GALNT13: variants seen among roughly 807,000 people sequenced by gnomAD.
GALNT13 encodes the protein polypeptide N-acetylgalactosaminyltransferase 13, also known as UDP-GalNAc:polypeptide N-acetylgalactosaminyltransferase 13.
GALNT13 carries 28 observed loss-of-function variants against 64.2 expected under a neutral mutation model. That is an observed-to-expected ratio of 0.44 (90% CI 0.32 to 0.60). GALNT13 has a LOEUF of 0.60. GALNT13 is among the 20% of genes least tolerant of loss of function. GALNT13 has a pLI of 0.05. For missense variants in GALNT13, 577 were observed against 669.8 expected (o/e 0.86, Z 1.53); for synonymous variants, 214 against 224.6 (o/e 0.95, Z 0.42).
At chr2:153,190,170 A>T in the GALNT13 span, among the ~76,000 whole-genome samples, 4,041 of 152,184 alleles carry the variant, frequency 0.027, 185 homozygotes, top group African/African-American at 0.092. Flanking sequence ...ATGTTTGTCT[A>T]GACCAATGTC....
the GALNT13 span, among the ~76,000 whole-genome samples, chr2:153,486,713 G>A: frequency 3.9e-5 from 6 of 151,994 alleles, no homozygotes; most frequent in South Asian, 2.1e-4. Flanking sequence ...GCAGTTTTCC[G>A]AATGATACAT....
At chr2:154,024,962 A>G (rs1335734621) in intron 3 of GALNT13, among the ~76,000 whole-genome samples, 1 of 152,214 alleles carries the variant, frequency 6.6e-6, no homozygotes. Flanking sequence ...GGTCCACTCC[A>G]GACCCTGATT....
intron 9 of GALNT13, among the ~76,000 whole-genome samples, chr2:154,385,261 G>A (rs1698454894): frequency 6.6e-6 from 1 of 151,878 alleles, no homozygotes; most frequent in African/African-American, 2.4e-5. Flanking sequence ...GTATTTAATT[G>A]TCAGATCAAT....
At chr2:153,498,009 T>C in the GALNT13 span, among the ~76,000 whole-genome samples, 6 of 152,326 alleles carry the variant, frequency 3.9e-5, no homozygotes, top group Admixed American at 1.3e-4. Flanking sequence ...ATTAGTACAA[T>C]GGCCAGATAC....
intron 3 of GALNT13, among the ~76,000 whole-genome samples, chr2:153,983,402 A>G (rs568182448): frequency 1.3e-5 from 2 of 151,994 alleles, no homozygotes; most frequent in South Asian, 4.1e-4. Context: ...TAATATTGAT[A>G]TTTATTTATA....
intron 8 of GALNT13, among the ~76,000 whole-genome samples, chr2:154,277,738 G>C (rs1691728384): frequency 6.6e-6 from 1 of 152,080 alleles, no homozygotes; most frequent in Non-Finnish European, 1.5e-5. Context: ...TTGATTTTCA[G>C]TACTACCCTT....
At chr2:153,374,282 A>G in the GALNT13 span, among the ~76,000 whole-genome samples, 3 of 152,198 alleles carry the variant, frequency 2.0e-5, no homozygotes, top group Non-Finnish European at 4.4e-5. Flanking sequence ...CCAAACAAGT[A>G]TGAAGTTATA....
At chr2:154,079,542 G>A (rs1310259715) in intron 3 of GALNT13, among the ~76,000 whole-genome samples, 1 of 151,554 alleles carries the variant, frequency 6.6e-6, no homozygotes, top group Non-Finnish European at 1.5e-5. Context: ...CACCTTGGAG[G>A]TCAAGTGACC....
At chr2:154,152,117 G>A (rs924371368) in intron 4 of GALNT13, among the ~76,000 whole-genome samples, 1 of 152,106 alleles carries the variant, frequency 6.6e-6, no homozygotes, top group Non-Finnish European at 1.5e-5. Context: ...CTCTTTTAGG[G>A]CAGGCCTGGT....
chr2:154,025,100 C>T (rs1349847196), intron 3 of GALNT13, among the ~76,000 whole-genome samples: 1 of 152,168 alleles, frequency 6.6e-6, no homozygotes, highest in South Asian at 2.1e-4. Flanking sequence ...TCAGTCCGCC[C>T]CTACTGGGGG....
At chr2:154,203,312 TAAC>T (rs1687271593) in intron 4 of GALNT13, among the ~76,000 whole-genome samples, 1 of 152,186 alleles carries the variant, frequency 6.6e-6, no homozygotes, top group Non-Finnish European at 1.5e-5. Context: ...GGATGATTAA[TAAC>T]TTATTAATAT....
intron 1 of GALNT13, among the ~76,000 whole-genome samples, chr2:153,877,136 G>A (rs1686436829): frequency 6.6e-6 from 1 of 152,042 alleles, no homozygotes; most frequent in African/African-American, 2.4e-5. Flanking sequence ...TTATCATCTT[G>A]TAGACTATGT....
chr2:153,205,948 T>C, the GALNT13 span, among the ~76,000 whole-genome samples: 1 of 152,022 alleles, frequency 6.6e-6, no homozygotes, highest in South Asian at 2.1e-4. Context: ...TAATCAAACT[T>C]AGTGTAATGA....
chr2:153,774,815 C>T, the GALNT13 span, among the ~76,000 whole-genome samples: 3 of 152,154 alleles, frequency 2.0e-5, no homozygotes, highest in Non-Finnish European at 2.9e-5. Context: ...GTGGTTGAGG[C>T]AGGAGGATTG....
At chr2:153,089,417 G>T in the GALNT13 span, among the ~76,000 whole-genome samples, 6 of 151,988 alleles carry the variant, frequency 3.9e-5, no homozygotes, top group Non-Finnish European at 8.8e-5. Flanking sequence ...TCTTTCCTTT[G>T]TCTTGACTTT....
the GALNT13 span, among the ~76,000 whole-genome samples, chr2:153,672,271 A>C: frequency 6.6e-6 from 1 of 152,318 alleles, no homozygotes; most frequent in African/African-American, 2.4e-5. Flanking sequence ...ACCACATTGC[A>C]CTTATTCTAA....
At chr2:153,625,890 A>T in the GALNT13 span, among the ~76,000 whole-genome samples, 1 of 152,038 alleles carries the variant, frequency 6.6e-6, no homozygotes, top group African/African-American at 2.4e-5. Context: ...TACAAGTGAG[A>T]AATGTTATTG....
chr2:153,404,847 A>G, the GALNT13 span, among the ~76,000 whole-genome samples: 1 of 152,226 alleles, frequency 6.6e-6, no homozygotes, highest in African/African-American at 2.4e-5. Flanking sequence ...TAAAGTTGAG[A>G]ATTAATTTTC....
In GALNT13 at chr2:153,966,614, C is replaced by T. The variant is rs543706007; in HGVS notation, c.142+21975C>T. On this transcript the variant is annotated intron_variant, in intron 3 of 12. Coordinates refer to ENST00000392825, the MANE Select transcript of GALNT13 (RefSeq NM_052917.4). ...CGATCTCATGACCTCGTGATCCGCC[C>T]GCCTCGGCCTTCCAAAGCGCTGGGA... is the stretch of plus-strand genomic sequence containing the variant. 1.9e-3 allele frequency among the ~76,000 whole-genome samples: 282 copies of T among 152,100 alleles called. 1 individual carries two copies. The highest frequency in any genetic ancestry group is 6.0e-3 in the African/African-American group (249 of 41,512).
Sources: gnomAD v4.1 joint callset for allele counts (sites outside exome capture counted in the v4.1 genomes callset) on GRCh38, gnomAD v4.1.1 for gene constraint, MANE v1.5 for transcripts, NCBI Gene and HGNC (gene_info 2026-07-23, HGNC 2026-07-21) for gene names.